DYNC2H1: variants seen among roughly 807,000 people sequenced by gnomAD.
DYNC2H1 encodes cytoplasmic dynein 2 heavy chain 1.
A neutral mutation model predicts 570.0 loss-of-function variants in DYNC2H1; 410 were observed. The ratio of observed to expected loss-of-function variants is 0.72; its 90% confidence interval spans 0.66 to 0.78. The LOEUF (loss-of-function observed/expected upper bound fraction) is 0.78. DYNC2H1 is among the 30% of genes least tolerant of loss of function. The probability of loss-of-function intolerance (pLI) is 0.00; values close to 1 mark genes in which losing one functional copy is unlikely to be tolerated. For missense variants in DYNC2H1, 4,865 were observed against 5,046.4 expected (o/e 0.96, Z 1.09); for synonymous variants, 1,688 against 1,677.6 (o/e 1.01, Z -0.15).
At chr11:103,392,574 G>A (rs79095810) in intron 83 of DYNC2H1, among the ~76,000 whole-genome samples, 1,844 of 152,308 alleles carry the variant, frequency 0.012, 32 homozygotes, top group African/African-American at 0.042. Context: ...CTTCTGCGTC[G>A]CTCACGCTGG....
In DYNC2H1 at chr11:103,228,493, C is replaced by A. The variant is rs1863881434; in HGVS notation, c.9354-2767C>A. Among the ~76,000 whole-genome samples the A allele has an allele frequency of 1.3e-5, 2 of 152,084 alleles. No homozygotes were observed. The highest frequency in any genetic ancestry group is 2.9e-5 in the Non-Finnish European group (2 of 68,016). ...AGCTACCCAGCAGAGCTACTGGGCT[C>A]TGGGCTGGTGTTGGGGAGTGTCTGC... On this transcript the variant is annotated intron_variant, in intron 59 of 88. Coordinates refer to ENST00000375735, the MANE Select transcript of DYNC2H1 (RefSeq NM_001377.3). The surrounding 1 kb of genome is among the most constrained non-coding windows in gnomAD (Gnocchi z 6.1).
rs1314426904 is a variant in DYNC2H1 at position 103,222,038 on chromosome 11, C to G, written c.9116C>G (p.Ala3039Gly). ...TSWVSMKSFL[A>G]KRGVREDIAT... Reference sequence around the variant, plus strand: ...ATATGCTTTAATTTTAGTTTCCTTGCAAAAAGAGGTGTAAGAGAAGACATA... The same window carrying G: ...ATATGCTTTAATTTTAGTTTCCTTGGAAAAAGAGGTGTAAGAGAAGACATA... Residue 3039 changes from alanine (A) to glycine (G), a missense_variant, in exon 58 of 89, where the codon GCA (alanine) becomes GGA (glycine). Around this residue, in one of 5 missense-constraint regions of DYNC2H1, gnomAD observed 2,401 missense variants for 2,454.6 expected, o/e 0.98. Coordinates refer to ENST00000375735, the MANE Select transcript of DYNC2H1 (RefSeq NM_001377.3). The G allele has an allele frequency of 6.2e-7, 1 of 1,605,504 alleles. No homozygotes were observed. The highest frequency in any genetic ancestry group is 8.5e-7 in the Non-Finnish European group (1 of 1,176,686).
In DYNC2H1 at chr11:103,249,949, A is replaced by G. The variant is rs1864766482; in HGVS notation, c.10043-3336A>G. 6.6e-6 allele frequency among the ~76,000 whole-genome samples: 1 copy of G among 152,042 alleles called. No individual in the cohort carries two copies. The highest frequency in any genetic ancestry group is 2.1e-4 in the South Asian group (1 of 4,830). On this transcript the variant is annotated intron_variant, in intron 65 of 88. Coordinates refer to ENST00000375735, the MANE Select transcript of DYNC2H1 (RefSeq NM_001377.3). This position sits in a 1 kb window ranked among gnomAD's most constrained non-coding sequence, Gnocchi z 4.6. ...AGTACATTTTTCTTGAATTATTTAT[A>G]AATCGCCTAACACAAGCCAAAATCC...
chr11:103,389,798 T>G (rs909232567), intron 83 of DYNC2H1, among the ~76,000 whole-genome samples: 2 of 152,162 alleles, frequency 1.3e-5, no homozygotes, highest in Admixed American at 1.3e-4. Context: ...TCCATGTAAT[T>G]GAGTGGTTTT....
intron 70 of DYNC2H1, among the ~76,000 whole-genome samples, chr11:103,270,207 A>AT (rs1267887416): frequency 1.6e-4 from 22 of 141,604 alleles, no homozygotes; most frequent in African/African-American, 4.9e-4. Flanking sequence ...AAAAAAAAAA[A>AT]AATAATAATA....
chr11:103,163,043 T>G lies in DYNC2H1; in HGVS notation c.4507T>G (p.Leu1503Val). Reference sequence around the variant, plus strand: ...TCTTTTTCAGACATGGTTGAATGATTTGGCCTTAGAAATGAAGAAAACTTT... The same window carrying G: ...TCTTTTTCAGACATGGTTGAATGATGTGGCCTTAGAAATGAAGAAAACTTT... ...SNNVETWLND[L>V]ALEMKKTLEQ... Residue 1503 changes from leucine to valine, a missense_variant, in exon 30 of 89, where the codon TTG becomes GTG. Coordinates refer to ENST00000375735, the MANE Select transcript of DYNC2H1 (RefSeq NM_001377.3). This position sits in a 1 kb window ranked among gnomAD's most constrained non-coding sequence, Gnocchi z 4.6. 1.2e-6 allele frequency: 2 copies of G among 1,612,394 alleles called. No individual in the cohort carries two copies. Among genetic ancestry groups the G allele is most frequent in the Non-Finnish European group, 1.7e-6 (2 of 1,178,912 alleles).
At chr11:103,457,498 T>C (rs1235768361) in intron 87 of DYNC2H1, among the ~76,000 whole-genome samples, 2 of 152,134 alleles carry the variant, frequency 1.3e-5, no homozygotes, top group Non-Finnish European at 2.9e-5. Flanking sequence ...TGTGTGCATC[T>C]GTGTCTTCAT....
In DYNC2H1 at chr11:103,199,518, A is replaced by G. The variant is rs771062774; in HGVS notation, c.8088+42A>G. The stretch of plus-strand genomic sequence containing the variant: ...CTTTTGCTTTATTTGGTTTTAAATT[A>G]CATTGGTTATTACTCTAAACATCTT... On this transcript the variant is annotated intron_variant, in intron 49 of 88. Transcript: ENST00000375735. The surrounding 1 kb of genome is among the most constrained non-coding windows in gnomAD (Gnocchi z 4.6). The G allele has an allele frequency of 1.3e-5, 19 of 1,470,996 alleles. No homozygotes were observed. Among genetic ancestry groups the G allele is most frequent in the Non-Finnish European group, 1.7e-5 (19 of 1,109,848 alleles). The allele number at this position is 1,470,996 out of a possible 1,614,324, so 91.1% of individuals were successfully genotyped here.
chr11:103,295,863 G>T (rs3847574), intron 75 of DYNC2H1, among the ~76,000 whole-genome samples: 25,017 of 152,094 alleles, frequency 0.16, 2,235 homozygotes, highest in Admixed American at 0.25. Flanking sequence ...AGCTATCTTT[G>T]TTCCGGGCCC....
Position 103,282,979 on chromosome 11 carries a change from A to G in DYNC2H1, c.10813-29A>G, listed in dbSNP as rs771043280. 25 of 1,550,736 alleles carry G rather than the reference A, an allele frequency of 1.6e-5. No individual in the cohort carries two copies. The Admixed American group carries it at 4.1e-4, about 25-fold the overall frequency. ...TTAAACTCTGAATTTTACCAAGTAT[A>G]CTAAGGAAAATAATTGCTTTTATTA... On this transcript the variant is annotated intron_variant, in intron 72 of 88. Coordinates refer to ENST00000375735, the MANE Select transcript of DYNC2H1 (RefSeq NM_001377.3).
intron 82 of DYNC2H1, among the ~76,000 whole-genome samples, chr11:103,354,134 G>A (rs1235436821): frequency 7.2e-6 from 1 of 139,626 alleles, no homozygotes; most frequent in African/African-American, 2.8e-5. Flanking sequence ...CTGAGATCGC[G>A]CCACCGTACT....
chr11:103,397,541 T>C (rs1942448620), intron 83 of DYNC2H1, among the ~76,000 whole-genome samples: 1 of 152,212 alleles, frequency 6.6e-6, no homozygotes, highest in Non-Finnish European at 1.5e-5. Context: ...GCAGCTGTAT[T>C]TATTTTTAGA....
At chr11:103,144,234 T>C (rs771679401) in intron 18 of DYNC2H1, among the ~76,000 whole-genome samples, 6 of 152,216 alleles carry the variant, frequency 3.9e-5, no homozygotes, top group Non-Finnish European at 7.3e-5. Flanking sequence ...TGAACCTAAA[T>C]TTCTTTAGCT....
intron 10 of DYNC2H1, among the ~76,000 whole-genome samples, chr11:103,121,714 T>C (rs776288753): frequency 3.9e-5 from 6 of 152,184 alleles, no homozygotes; most frequent in Non-Finnish European, 7.4e-5. Context: ...TTTATTCCAA[T>C]TGCAGTTGTT....
chr11:103,318,906 C>T (rs992767901), intron 80 of DYNC2H1, among the ~76,000 whole-genome samples: 2 of 152,118 alleles, frequency 1.3e-5, no homozygotes, highest in Non-Finnish European at 2.9e-5. Context: ...ACATTCCCCA[C>T]CTCATACATG....
chr11:103,407,777 TTC>T (rs1265952221), intron 84 of DYNC2H1: 3 of 151,994 alleles, frequency 2.0e-5, no homozygotes, highest in African/African-American at 4.8e-5. Flanking sequence ...CTGATTCTCC[TTC>T]TGTTAGCTCA....
Position 103,163,246 on chromosome 11 carries a change from C to A in DYNC2H1, c.4611+99C>A. ...TCAGATAAATCGCATCTGTTTTCTC[C>A]CTTTATCTAACAGTTAACGGACAAA... On this transcript the variant is annotated intron_variant, in intron 30 of 88. Transcript: ENST00000375735. The surrounding 1 kb of genome is among the most constrained non-coding windows in gnomAD (Gnocchi z 4.6). 1 of 1,355,928 alleles carries A rather than the reference C, an allele frequency of 7.4e-7. No individual in the cohort carries two copies. Among genetic ancestry groups the A allele is most frequent in the Non-Finnish European group, 9.8e-7 (1 of 1,015,446 alleles). 84.0% of individuals were successfully genotyped at this position (1,355,928 alleles called of 1,614,324 possible).
rs936439267 is a variant in DYNC2H1, at chr11:103,277,157, C to G, written c.10696-3191C>G. On this transcript the variant is annotated intron_variant, in intron 70 of 88. Transcript: ENST00000375735. This position sits in a 1 kb window ranked among gnomAD's most constrained non-coding sequence, Gnocchi z 4.3. The stretch of plus-strand genomic sequence containing the variant: ...TCAGTCTCTCCCCAACTTGTTACCC[C>G]CTTTTAGACCTTATATAACAGGTGT... 1.3e-5 allele frequency among the ~76,000 whole-genome samples: 2 copies of G among 151,942 alleles called. No homozygotes were observed. Among genetic ancestry groups the G allele is most frequent in the Non-Finnish European group, 2.9e-5 (2 of 67,942 alleles).
intron 84 of DYNC2H1, chr11:103,407,068 G>GT (rs1247370572): frequency 6.6e-6 from 1 of 151,768 alleles, no homozygotes; most frequent in Non-Finnish European, 1.5e-5. Context: ...GAAGTATTTG[G>GT]TGGCTGCTTC....
Sources: gnomAD v4.1 joint callset for allele counts (sites outside exome capture counted in the v4.1 genomes callset) on GRCh38, gnomAD v4.1.1 for gene constraint, gnomAD v4.1.1 regional missense constraint, Gnocchi (gnomAD v3.1) non-coding constraint, MANE v1.5 for transcripts, NCBI Gene and HGNC (gene_info 2026-07-23, HGNC 2026-07-21) for gene names.